The following DNAH6 variants were observed in gnomAD, a reference collection of about 807,000 sequenced individuals.
DNAH6 encodes axonemal beta dynein heavy chain 6.
A neutral mutation model predicts 491.4 loss-of-function variants in DNAH6; 340 were observed. The observed-to-expected ratio is 0.69, with a 90% CI of 0.63 to 0.76. The LOEUF is 0.76. DNAH6 is among the 30% of genes least tolerant of loss of function. The pLI is 0.00. For missense variants in DNAH6, 4,443 were observed against 4,972.2 expected, an observed-to-expected ratio of 0.89 and a Z score of 3.20; for synonymous variants, 1,603 against 1,686.1, an observed-to-expected ratio of 0.95 and a Z score of 1.21.
chr2:84,703,600 G>A, intron 50 of DNAH6, 38 bp downstream of exon 50: 1 of 1,504,714 alleles, frequency 6.6e-7, no homozygotes, highest in Non-Finnish European at 8.9e-7. Context: ...AAAGGCTTCT[G>A]TCAGCAACTG....
chr2:84,614,771 A>G (rs1462758541), intron 22 of DNAH6, among the ~76,000 whole-genome samples: 1 of 152,050 alleles, frequency 6.6e-6, no homozygotes, highest in Admixed American at 6.6e-5. Flanking sequence ...CATTTCCCTG[A>G]TCATTAGTGA....
At chr2:84,770,599 C>T (rs1675510543) in intron 64 of DNAH6, among the ~76,000 whole-genome samples, 1 of 151,950 alleles carries the variant, frequency 6.6e-6, no homozygotes, top group Admixed American at 6.6e-5. Flanking sequence ...AGGGATACAA[C>T]AATAGATGTT....
chr2:84,554,205 C>T (rs1336360096), intron 10 of DNAH6, among the ~76,000 whole-genome samples: 1 of 152,212 alleles, frequency 6.6e-6, no homozygotes, highest in Admixed American at 6.5e-5. Flanking sequence ...TTGATTCAGT[C>T]ACATCTATCA....
chr2:84,810,748 T>A (rs770572368), intron 72 of DNAH6, among the ~76,000 whole-genome samples: 20 of 152,072 alleles, frequency 1.3e-4, no homozygotes, highest in Non-Finnish European at 2.6e-4. Context: ...GACAGAACCG[T>A]GGGATAGGAC....
At chr2:84,674,209 A>G (rs1693012226) in intron 40 of DNAH6, among the ~76,000 whole-genome samples, 1 of 152,234 alleles carries the variant, frequency 6.6e-6, no homozygotes, top group Admixed American at 6.5e-5. Context: ...TTATAGATCA[A>G]GAAATAGACC....
At chr2:84,677,537 T>C (rs1693361492) in intron 41 of DNAH6, among the ~76,000 whole-genome samples, 2 of 152,204 alleles carry the variant, frequency 1.3e-5, no homozygotes, top group Admixed American at 6.5e-5. Flanking sequence ...GCACCTGATA[T>C]GCCAGAGAGC....
chr2:84,813,900 G>T, intron 74 of DNAH6, 71 bp from the exon 75 acceptor site: 1 of 1,495,000 alleles, frequency 6.7e-7, no homozygotes, highest in Non-Finnish European at 9.1e-7. Context: ...GCCTGGTTTG[G>T]ATGAAGGGGA....
At position 84,548,594 on chromosome 2, in the gene DNAH6, A is replaced by G. The variant is rs191349552; in HGVS notation, c.1316+177A>G. On this transcript the variant is annotated intron_variant, in intron 8 of 76. Coordinates refer to ENST00000389394, the MANE Select transcript of DNAH6 (RefSeq NM_001370.2). ...TACACACAATAAAAAATTAAAATGA[A>G]AAGTAGAATCTTTTCTAGGACCTAA... 2.0e-5 allele frequency among the ~76,000 whole-genome samples: 3 copies of G among 152,362 alleles called. No homozygotes were observed. The East Asian group carries it at 5.8e-4, about 29-fold the overall frequency.
At chr2:84,460,450 G>T in the DNAH6 span, among the ~76,000 whole-genome samples, 6 of 152,118 alleles carry the variant, frequency 3.9e-5, no homozygotes, top group Non-Finnish European at 8.8e-5. Context: ...ATTTTAAATA[G>T]CAAAATTATT....
intron 18 of DNAH6, 77 bp from the exon 19 acceptor site, chr2:84,604,262 A>G (rs1558783750): frequency 8.4e-7 from 1 of 1,184,896 alleles, no homozygotes; most frequent in Non-Finnish European, 1.2e-6. Context: ...CTCTACATGC[A>G]CAAATTGAAA....
At chr2:84,795,877 A>G (rs182299846) in intron 68 of DNAH6, among the ~76,000 whole-genome samples, 68 of 152,224 alleles carry the variant, frequency 4.5e-4, no homozygotes, top group Non-Finnish European at 8.8e-4. Context: ...TAAGAAATGT[A>G]TAGAGGTTGA....
chr2:84,794,976 C>T (rs1166110997), intron 68 of DNAH6, among the ~76,000 whole-genome samples: 2 of 150,834 alleles, frequency 1.3e-5, no homozygotes, highest in Non-Finnish European at 3.0e-5. Context: ...GGCACATATA[C>T]ACCATGGAAT....
intron 63 of DNAH6, among the ~76,000 whole-genome samples, chr2:84,749,436 G>T (rs562840563): frequency 6.6e-6 from 1 of 152,262 alleles, no homozygotes. Context: ...AATCAAAATT[G>T]AGCTTAAAAT....
In DNAH6 at chr2:84,699,749, A is replaced by C. The variant is rs780183951; in HGVS notation, c.7818+15A>C. 269 of 1,548,318 alleles carry C rather than the reference A, an allele frequency of 1.7e-4. No individual in the cohort carries two copies. The highest frequency in any genetic ancestry group is 2.3e-4 in the Non-Finnish European group (260 of 1,145,328). ...GGTTTGTGCAGGTTGGTGACATCCC[A>C]GGATATCTCTTTGAGAAGTTGGACT... On this transcript the variant is annotated intron_variant, in intron 48 of 76. Transcript: ENST00000389394.
At chr2:84,613,130 TGAGA>T (rs368816073) in intron 22 of DNAH6, among the ~76,000 whole-genome samples, 31 of 150,536 alleles carry the variant, frequency 2.1e-4, no homozygotes, top group African/African-American at 6.7e-4. Flanking sequence ...GGTAAATTGG[TGAGA>T]GAGAGAGAGA....
intron 35 of DNAH6, among the ~76,000 whole-genome samples, chr2:84,657,378 T>G (rs1409368591): frequency 6.6e-6 from 1 of 152,062 alleles, no homozygotes; most frequent in Non-Finnish European, 1.5e-5. Flanking sequence ...TTGCTGGAAT[T>G]TTAACTGAGA....
rs760215678 is a variant in DNAH6, at chr2:84,781,448, T to C, written c.10704-45T>C. 57 of 1,482,036 alleles carry C rather than the reference T, an allele frequency of 3.8e-5. No homozygotes were observed. In the African/African-American group the frequency reaches 7.2e-4, roughly 19 times the overall value. 91.8% of individuals were successfully genotyped at this position (1,482,036 alleles called of 1,614,324 possible). A position where few individuals can be genotyped will look rare whatever the true frequency, so the allele number is the denominator to read the frequency against. On this transcript the variant is annotated intron_variant, in intron 64 of 76. Transcript: ENST00000389394. ...TATATTTCTTCATATTGATTTTGCT[T>C]TAAAATAGCATAAGATGATATTGTG...
At position 84,703,563 on chromosome 2, in the gene DNAH6, G is replaced by T; in HGVS notation, c.8229+1G>T. The T allele has an allele frequency of 1.3e-6, 2 of 1,545,988 alleles. No individual in the cohort carries two copies. Among genetic ancestry groups the T allele is most frequent in the Non-Finnish European group, 1.7e-6 (2 of 1,144,254 alleles). On this transcript the variant is annotated splice_donor_variant, in intron 50 of 76. Transcript: ENST00000389394. LOFTEE classifies it high-confidence loss of function. ...AGTGGATCAAGAAAGTGCCGATCAGGTATGCTGCAGTTCCTGAGAATGTGG... is the reference window on the plus strand; with the variant it reads ...AGTGGATCAAGAAAGTGCCGATCAGTTATGCTGCAGTTCCTGAGAATGTGG...
In DNAH6 at chr2:84,579,565, A is replaced by G. The variant is rs1409123370; in HGVS notation, c.2115A>G (p.Lys705=). The G allele has an allele frequency of 6.2e-7, 1 of 1,613,930 alleles. No individual in the cohort carries two copies. The highest frequency in any genetic ancestry group is 1.7e-5 in the Admixed American group (1 of 60,016). Residue 705 remains lysine, a synonymous_variant, in exon 14 of 77, where the codon AAA becomes AAG. Coordinates refer to ENST00000389394, the MANE Select transcript of DNAH6 (RefSeq NM_001370.2). ...NFMLPRQSKK[K]VDAIIFEAQD... is the part of the protein sequence containing the mutation. ...TGCTTCCTCGTCAAAGCAAGAAAAA[A>G]GTGGATGCCATTATCTTTGAGGCAC...
Sources: allele counts gnomAD v4.1 joint callset (sites outside exome capture counted in the v4.1 genomes callset), GRCh38; gene constraint gnomAD v4.1.1; transcripts MANE v1.5; gene names NCBI Gene and HGNC (gene_info 2026-07-23, HGNC 2026-07-21).